Variants in GPS1 observed in about 807,000 individuals in gnomAD.
GPS1 encodes G protein pathway suppressor 1.
Under a neutral mutation model 60.0 loss-of-function variants are expected in GPS1, and 11 were observed. The observed-to-expected ratio is 0.18, with a 90% CI of 0.12 to 0.30. The LOEUF (loss-of-function observed/expected upper bound fraction) is 0.30, where lower values mean the gene tolerates loss of function less well. Among genes scored for constraint, GPS1 ranks in the 10% least tolerant of loss-of-function variants. The pLI, the probability that GPS1 is intolerant of heterozygous loss-of-function variation, is 1.00. For synonymous variants in GPS1, 343 were observed against 269.8 expected, an observed-to-expected ratio of 1.27 and a Z score of -2.66; for missense variants, 543 against 669.2, an observed-to-expected ratio of 0.81 and a Z score of 2.08.
chr17:82,053,362 G>C lies in GPS1; in HGVS notation c.122G>C (p.Ser41Thr), dbSNP rs150175030. ...GTCAACTACGTGGTGGAGAACCCCA[G>C]CCTGGTACGGAGCCCAGTGGGGGGA... ...PDVNYVVENP[S>T]LDLEQYAASY... The change falls in exon 2 of 13, where the codon AGC (serine) becomes ACC (threonine). Residue 41 changes from serine to threonine, a missense_variant. Transcript: ENST00000578552. The C allele has an allele frequency of 1.9e-5, 28 of 1,495,664 alleles. No homozygotes were observed. In the African/African-American group the frequency reaches 3.2e-4, roughly 17 times the overall value. The allele number at this position is 1,495,664 out of a possible 1,614,324, so 92.6% of individuals were successfully genotyped here. A position where few individuals can be genotyped will look rare whatever the true frequency, so the allele number is the denominator to read the frequency against.
intron 3 of GPS1, 62 bp downstream of exon 3, chr17:82,054,111 C>A: frequency 6.6e-7 from 1 of 1,505,158 alleles, no homozygotes; most frequent in Non-Finnish European, 8.9e-7. Context: ...GTGTCTGGGA[C>A]TGGGCCCCCT....
At position 82,053,265 on chromosome 17, in the gene GPS1, A is replaced by C; in HGVS notation, c.34-9A>C. On this transcript the variant is annotated splice_polypyrimidine_tract_variant and intron_variant, in intron 1 of 12. Coordinates refer to ENST00000578552, the MANE Select transcript of GPS1 (RefSeq NM_001321092.3). ...GGACGAGGTGCCAGGTGCCTGGCCCATGTTGCAGGGGGCCGTGGAGCCCAT... is the reference window on the plus strand; with the variant it reads ...GGACGAGGTGCCAGGTGCCTGGCCCCTGTTGCAGGGGGCCGTGGAGCCCAT... 6.5e-7 allele frequency: 1 copy of C among 1,532,384 alleles called. No individual in the cohort carries two copies. The highest frequency in any genetic ancestry group is 1.3e-5 in the South Asian group (1 of 79,104). 94.9% of individuals were successfully genotyped at this position (1,532,384 alleles called of 1,614,324 possible). A position where few individuals can be genotyped will look rare whatever the true frequency, so the allele number is the denominator to read the frequency against.
intron 12 of GPS1, 34 bp downstream of exon 12, chr17:82,057,008 G>C (rs373638040): frequency 5.0e-6 from 8 of 1,611,786 alleles, no homozygotes; most frequent in South Asian, 1.1e-5. Flanking sequence ...GGCGCACGGC[G>C]TGTGGGGCCT....
upstream of GPS1, chr17:82,051,857 C>T (rs2144266971): frequency 1.7e-6 from 2 of 1,153,678 alleles, no homozygotes; most frequent in Non-Finnish European, 2.1e-6. The surrounding 1 kb of genome is among the most constrained non-coding windows in gnomAD (Gnocchi z 4.1). Flanking sequence ...GCGGCCCCGC[C>T]CCGCCCCGCG....
At position 82,051,982 on chromosome 17, in the gene GPS1, C is replaced by A; in HGVS notation, c.33+18C>A. On this transcript the variant is annotated intron_variant, in intron 1 of 12. Transcript: ENST00000578552. The surrounding 1 kb of genome is among the most constrained non-coding windows in gnomAD (Gnocchi z 4.1). ...ACTTGCAGGTAACGAGCCGAGGCCG[C>A]CCCGGGCCTCCGCGCCCCCGCGCCC... The A allele has an allele frequency of 8.7e-7, 1 of 1,155,920 alleles. No individual in the cohort carries two copies. Among genetic ancestry groups the A allele is most frequent in the East Asian group, 3.9e-5 (1 of 25,462 alleles). The allele number at this position is 1,155,920 out of a possible 1,614,324, so 71.6% of individuals were successfully genotyped here. A position where few individuals can be genotyped will look rare whatever the true frequency, so the allele number is the denominator to read the frequency against.
In GPS1 at chr17:82,053,300, C is replaced by T. The variant is rs993976390; in HGVS notation, c.60C>T (p.Asp20=). The change falls in exon 2 of 13, where the codon GAC becomes GAT. Residue 20 remains aspartate (D), a synonymous_variant. Transcript: ENST00000578552. ...LQGAVEPMQI[D]VDPQEDPQNA... ...GGGCCGTGGAGCCCATGCAGATCGA[C>T]GTGGACCCCCAGGAAGACCCGCAGA... The T allele has an allele frequency of 5.2e-6, 8 of 1,550,008 alleles. No individual in the cohort carries two copies. Among genetic ancestry groups the T allele is most frequent in the East Asian group, 5.0e-5 (2 of 39,786 alleles).
chr17:82,051,392 G>A (rs1598473844), upstream of GPS1: 3 of 1,426,270 alleles, frequency 2.1e-6, no homozygotes, highest in Non-Finnish European at 9.1e-7. The surrounding 1 kb of genome is among the most constrained non-coding windows in gnomAD (Gnocchi z 4.1). Context: ...CCAGGCCGGA[G>A]ACCGACCCGC....
intron 1 of GPS1, chr17:82,052,639 T>C: frequency 1.4e-6 from 1 of 740,304 alleles, no homozygotes; most frequent in Non-Finnish European, 2.1e-6. Context: ...TCTTGGTGCT[T>C]TTCCCGAAGG....
In GPS1 at chr17:82,057,084, T is replaced by C. The variant is rs781260119; in HGVS notation, c.1421T>C (p.Leu474Pro). The C allele has an allele frequency of 6.3e-7, 1 of 1,581,374 alleles. No individual in the cohort carries two copies. Among genetic ancestry groups the C allele is most frequent in the East Asian group, 2.2e-5 (1 of 44,578 alleles). ...CCCAGAGAAGGGAGCCAGGGGGAGC[T>C]GACTCCAGCCAACAGCCAGTCCCGG... ...SPPREGSQGE[L>P]TPANSQSRMS... Residue 474 changes from leucine to proline, a missense_variant, in exon 13 of 13, where the codon CTG (leucine) becomes CCG (proline). This residue lies in a region of GPS1 where 291 missense variants were observed against 353.7 expected (regional missense o/e 0.82). Coordinates refer to ENST00000578552, the MANE Select transcript of GPS1 (RefSeq NM_001321092.3).
chr17:82,051,712 G>A (rs1337114104), upstream of GPS1: 4 of 1,036,174 alleles, frequency 3.9e-6, no homozygotes, highest in Admixed American at 5.7e-5. The surrounding 1 kb of genome is among the most constrained non-coding windows in gnomAD (Gnocchi z 4.1). Context: ...AGCGCGGCCA[G>A]GGCCGCGGCC....
upstream of GPS1, chr17:82,051,366 G>A (rs559311094): frequency 5.5e-6 from 8 of 1,457,814 alleles, no homozygotes; most frequent in African/African-American, 4.5e-5. The surrounding 1 kb of genome is among the most constrained non-coding windows in gnomAD (Gnocchi z 4.1). Flanking sequence ...AATCTATGAG[G>A]CTTCTGGGGC....
At chr17:82,051,452 G>T (rs778488967), upstream of GPS1, 1 of 1,341,354 alleles carries the variant, frequency 7.5e-7, no homozygotes, top group African/African-American at 1.5e-5. The surrounding 1 kb of genome is among the most constrained non-coding windows in gnomAD (Gnocchi z 4.1). Context: ...CCTGGGAGGC[G>T]GGGCGGGTGG....
chr17:82,054,455 C>T (rs532618201), intron 3 of GPS1, 55 bp from the exon 4 acceptor site: 5 of 1,443,012 alleles, frequency 3.5e-6, no homozygotes, highest in South Asian at 2.9e-5. Flanking sequence ...GGCTTCCTCC[C>T]CTCCTCCCTG....
In GPS1 at chr17:82,057,140, G is replaced by A; in HGVS notation, c.*13G>A. On this transcript the variant is annotated 3_prime_UTR_variant, in exon 13 of 13. Coordinates refer to ENST00000578552, the MANE Select transcript of GPS1 (RefSeq NM_001321092.3). The stretch of plus-strand genomic sequence containing the variant: ...CACCAACATGTGAGGGGTGAACCTT[G>A]GCCTCCAGGACATCTGCACCCCCTC... 3.2e-6 allele frequency: 5 copies of A among 1,567,098 alleles called. No individual in the cohort carries two copies. Among genetic ancestry groups the A allele is most frequent in the South Asian group, 1.2e-5 (1 of 83,714 alleles).
chr17:82,055,028 G>A, intron 5 of GPS1, 53 bp downstream of exon 5: 1 of 1,606,836 alleles, frequency 6.2e-7, no homozygotes, highest in East Asian at 2.2e-5. Context: ...ACCACTGCTG[G>A]CCCCTCCTGT....
At chr17:82,056,413 G>A (rs2144638615) in intron 9 of GPS1, 22 bp downstream of exon 9, 2 of 1,611,908 alleles carry the variant, frequency 1.2e-6, no homozygotes, top group South Asian at 2.2e-5. Context: ...CTGGGGTAGG[G>A]GTGAGGTGGG....
chr17:82,053,263 C>A lies in GPS1; in HGVS notation c.34-11C>A. On this transcript the variant is annotated splice_polypyrimidine_tract_variant and intron_variant, in intron 1 of 12. Coordinates refer to ENST00000578552, the MANE Select transcript of GPS1 (RefSeq NM_001321092.3). The stretch of plus-strand genomic sequence containing the variant: ...CAGGACGAGGTGCCAGGTGCCTGGC[C>A]CATGTTGCAGGGGGCCGTGGAGCCC... 6.5e-7 allele frequency: 1 copy of A among 1,530,886 alleles called. No individual in the cohort carries two copies. Among genetic ancestry groups the A allele is most frequent in the Non-Finnish European group, 8.7e-7 (1 of 1,148,310 alleles). 94.8% of individuals were successfully genotyped at this position (1,530,886 alleles called of 1,614,324 possible).
chr17:82,055,755 C>A lies in GPS1; in HGVS notation c.764C>A (p.Ala255Asp). 1 of 1,554,724 alleles carries A rather than the reference C, an allele frequency of 6.4e-7. No individual in the cohort carries two copies. The highest frequency in any genetic ancestry group is 8.7e-7 in the Non-Finnish European group (1 of 1,149,462). ...LKCAAGLAELAARKYKQAAKC... is the reference protein window; with the variant it reads ...LKCAAGLAELDARKYKQAAKC... Reference sequence around the variant, plus strand: ...CTTCCACTAGGCTTGGCAGAGCTGGCCGCCAGGAAGTACAAGCAGGCTGCC... The same window carrying A: ...CTTCCACTAGGCTTGGCAGAGCTGGACGCCAGGAAGTACAAGCAGGCTGCC... Residue 255 changes from alanine to aspartate, a missense_variant, in exon 7 of 13, where the codon GCC becomes GAC. This residue lies in a region of GPS1 where 291 missense variants were observed against 353.7 expected (regional missense o/e 0.82). Transcript: ENST00000578552.
Position 82,055,181 on chromosome 17 carries a change from G to A in GPS1, c.707G>A (p.Ser236Asn). 3.2e-6 allele frequency: 5 copies of A among 1,561,704 alleles called. No homozygotes were observed. The highest frequency in any genetic ancestry group is 4.3e-6 in the Non-Finnish European group (5 of 1,153,242). The change falls in exon 6 of 13, where the codon AGC (serine) becomes AAC (asparagine). Residue 236 changes from serine to asparagine, a missense_variant. Transcript: ENST00000578552. ...EIAEQRGERDSQTQAILTKLK... is the reference protein window; with the variant it reads ...EIAEQRGERDNQTQAILTKLK... ...CTACAGCAGCGAGGAGAGCGTGACA[G>A]CCAGACCCAGGCCATCCTCACCAAG...
Sources: allele counts gnomAD v4.1 joint callset, GRCh38; gene constraint gnomAD v4.1.1; regional missense constraint gnomAD v4.1.1; non-coding constraint Gnocchi (gnomAD v3.1); transcripts MANE v1.5; gene names NCBI Gene and HGNC (gene_info 2026-07-23, HGNC 2026-07-21).